ABCC4: variants seen among roughly 807,000 people sequenced by gnomAD.
ABCC4 encodes the protein ATP binding cassette subfamily C member 4 (PEL blood group).
Under a neutral mutation model 168.5 loss-of-function variants are expected in ABCC4, and 102 were observed. The ratio of observed to expected loss-of-function variants is 0.61; its 90% CI spans 0.52 to 0.71. The LOEUF (loss-of-function observed/expected upper bound fraction) is 0.71. Among genes scored for constraint, ABCC4 ranks in the 30% least tolerant of loss-of-function variants. The pLI, the probability that ABCC4 is intolerant of heterozygous loss-of-function variation, is 0.00. For synonymous variants in ABCC4, 617 were observed against 590.7 expected (o/e 1.04, Z -0.65); for missense variants, 1,402 against 1,605.8 (o/e 0.87, Z 2.17).
At chr13:95,133,085 T>C (rs1594154312) in intron 19 of ABCC4, among the ~76,000 whole-genome samples, 1 of 151,054 alleles carries the variant, frequency 6.6e-6, no homozygotes, top group African/African-American at 2.4e-5. Flanking sequence ...TTACGTTAGG[T>C]GCATTTTACT....
chr13:95,110,557 A>G (rs533082988), intron 20 of ABCC4, among the ~76,000 whole-genome samples: 1 of 152,306 alleles, frequency 6.6e-6, no homozygotes, highest in African/African-American at 2.4e-5. Flanking sequence ...TAAAATGCTA[A>G]TAAGATATTA....
chr13:95,195,495 T>G (rs1311611044), intron 8 of ABCC4, among the ~76,000 whole-genome samples: 1 of 152,214 alleles, frequency 6.6e-6, no homozygotes, highest in Non-Finnish European at 1.5e-5. Flanking sequence ...ACTGGCCTTC[T>G]CCTCCCTCGT....
chr13:95,117,007 G>A (rs1332652158), intron 19 of ABCC4, among the ~76,000 whole-genome samples: 5 of 152,122 alleles, frequency 3.3e-5, no homozygotes, highest in African/African-American at 1.2e-4. Flanking sequence ...GGCTGTAGAC[G>A]GAGCTGCCTC....
chr13:95,148,759 T>C (rs2036580106), intron 19 of ABCC4: 1 of 152,078 alleles, frequency 6.6e-6, no homozygotes, highest in Non-Finnish European at 1.5e-5. Context: ...AAAGATGAGC[T>C]GTATTAGAAA....
rs9584273 is a variant in ABCC4, at chr13:95,020,274, C to A, written c.*1301G>T. ...ATATATGTATACAAACAAATGCACA[C>A]GTGTGCATGTCTATATACATATATG... On this transcript the variant is annotated 3_prime_UTR_variant, in exon 31 of 31. Coordinates refer to ENST00000645237, the MANE Select transcript of ABCC4 (RefSeq NM_005845.5). 2.8e-4 allele frequency: 42 copies of A among 152,158 alleles called. No individual in the cohort carries two copies. Among genetic ancestry groups the A allele is most frequent in the African/African-American group, 8.9e-4 (37 of 41,410 alleles). The allele number at this position is 152,158 out of a possible 1,614,324, so 9.4% of individuals were successfully genotyped here. A position where few individuals can be genotyped will look rare whatever the true frequency, so the allele number is the denominator to read the frequency against.
intron 4 of ABCC4, among the ~76,000 whole-genome samples, chr13:95,220,570 C>T (rs901277098): frequency 6.6e-6 from 1 of 152,126 alleles, no homozygotes; most frequent in Non-Finnish European, 1.5e-5. Context: ...AAATGTCTTA[C>T]TAATGACTTA....
At chr13:95,078,318 G>A (rs970468126) in intron 21 of ABCC4, among the ~76,000 whole-genome samples, 5 of 152,096 alleles carry the variant, frequency 3.3e-5, no homozygotes, top group African/African-American at 4.8e-5. Flanking sequence ...AAGCTGAGAC[G>A]GGAGAATTGC....
At chr13:95,066,548 T>C (rs947829642) in intron 25 of ABCC4, among the ~76,000 whole-genome samples, 7 of 152,358 alleles carry the variant, frequency 4.6e-5, no homozygotes, top group Admixed American at 3.9e-4. Context: ...GGGAAATCTA[T>C]TGCCATATTG....
chr13:95,217,733 T>TA (rs940679929), intron 4 of ABCC4, among the ~76,000 whole-genome samples: 1 of 151,590 alleles, frequency 6.6e-6, no homozygotes, highest in African/African-American at 2.4e-5. Flanking sequence ...TCTCAAAAAT[T>TA]AAAAAAATAA....
intron 20 of ABCC4, among the ~76,000 whole-genome samples, chr13:95,114,852 G>GA (rs1280934847): frequency 6.6e-6 from 1 of 152,094 alleles, no homozygotes; most frequent in South Asian, 2.1e-4. Context: ...TGAGCATTGA[G>GA]AAAAAAGCAG....
At chr13:95,220,963 G>A (rs1212769436) in intron 4 of ABCC4, among the ~76,000 whole-genome samples, 1 of 152,136 alleles carries the variant, frequency 6.6e-6, no homozygotes, top group Non-Finnish European at 1.5e-5. Flanking sequence ...GCTAAATAAA[G>A]GTTCAGCACC....
At chr13:95,192,045 G>A (rs762771729) in intron 9 of ABCC4, among the ~76,000 whole-genome samples, 1 of 152,218 alleles carries the variant, frequency 6.6e-6, no homozygotes, top group Non-Finnish European at 1.5e-5. Flanking sequence ...GTGGGCCCTG[G>A]GGCCAGAGCA....
intron 8 of ABCC4, among the ~76,000 whole-genome samples, chr13:95,203,973 C>T (rs2038709104): frequency 6.6e-6 from 1 of 152,186 alleles, no homozygotes; most frequent in Non-Finnish European, 1.5e-5. Flanking sequence ...TCTGTCCATC[C>T]AGCATTTGGT....
intron 1 of ABCC4, among the ~76,000 whole-genome samples, chr13:95,275,622 A>G (rs7320811): frequency 0.99 from 149,926 of 152,132 alleles, 73,917 homozygotes; most frequent in East Asian, 1. Flanking sequence ...TGACTCTAGA[A>G]CTAGGAAATC....
intron 29 of ABCC4, among the ~76,000 whole-genome samples, chr13:95,041,598 G>C (rs1400458220): frequency 6.6e-6 from 1 of 152,128 alleles, no homozygotes; most frequent in Non-Finnish European, 1.5e-5. Flanking sequence ...TGATTCACTT[G>C]TCTCTATGTT....
chr13:95,231,781 G>A (rs966585826), intron 4 of ABCC4, among the ~76,000 whole-genome samples: 14 of 152,136 alleles, frequency 9.2e-5, no homozygotes, highest in Non-Finnish European at 1.6e-4. Context: ...TTTGGGAGAT[G>A]TTTACATGCA....
chr13:95,075,516 GAGA>G lies in ABCC4; in HGVS notation c.2719_2721del (p.Ser907del). On this transcript the variant is annotated inframe_deletion, in exon 22 of 31. Transcript: ENST00000645237. Reference sequence around the variant, plus strand: ...GCCCGGATGGTCCAGAGCCCCTGGAGAGAAGATGATAAGTGGGAAAACACTGGA... The same window carrying G: ...GCCCGGATGGTCCAGAGCCCCTGGAGAGATGATAAGTGGGAAAACACTGGA... 1.2e-6 allele frequency: 2 copies of G among 1,614,112 alleles called. No homozygotes were observed. Among genetic ancestry groups the G allele is most frequent in the Non-Finnish European group, 1.7e-6 (2 of 1,180,000 alleles).
chr13:95,241,160 C>T (rs533532456), intron 3 of ABCC4, among the ~76,000 whole-genome samples: 5 of 152,082 alleles, frequency 3.3e-5, no homozygotes, highest in South Asian at 2.1e-4. Flanking sequence ...GTCAAGAGAT[C>T]GAGACCATCC....
intron 22 of ABCC4, 193 bp downstream of exon 22, chr13:95,075,239 C>T (rs944493876): frequency 2.0e-5 from 13 of 636,868 alleles, no homozygotes; most frequent in South Asian, 6.3e-5. Flanking sequence ...AAAGAGGGAA[C>T]GTGCAGCAGC....
Sources: allele counts gnomAD v4.1 joint callset (sites outside exome capture counted in the v4.1 genomes callset), GRCh38; gene constraint gnomAD v4.1.1; transcripts MANE v1.5; gene names NCBI Gene and HGNC (gene_info 2026-07-23, HGNC 2026-07-21).